Variants in PCOLCE2 observed in about 807,000 individuals in gnomAD.
PCOLCE2 encodes procollagen C-proteinase enhancer 2.
PCOLCE2 carries 42 observed loss-of-function variants against 47.0 expected under a neutral mutation model. The observed-to-expected ratio is 0.89, with a 90% CI of 0.70 to 1.16. PCOLCE2 has a LOEUF of 1.16. Ranked by LOEUF, PCOLCE2 falls within the 50% of genes most tolerant of loss-of-function variation. The pLI, the probability that PCOLCE2 is intolerant of heterozygous loss-of-function variation, is 0.00. For missense variants in PCOLCE2, 500 were observed against 526.1 expected (o/e 0.95, Z 0.49); for synonymous variants, 169 against 191.7 (o/e 0.88, Z 0.98).
intron 2 of PCOLCE2, among the ~76,000 whole-genome samples, chr3:142,854,575 G>A (rs1291886897): frequency 2.0e-5 from 3 of 152,002 alleles, no homozygotes; most frequent in Non-Finnish European, 2.9e-5. Context: ...TAGAAATAAC[G>A]AGATGTTTTG....
chr3:142,870,737 GTTC>G (rs765864799), intron 2 of PCOLCE2, among the ~76,000 whole-genome samples: 73 of 124,098 alleles, frequency 5.9e-4, no homozygotes, highest in African/African-American at 1.0e-3. Context: ...ACTATATACT[GTTC>G]TTCTTCTCAA....
intron 3 of PCOLCE2, chr3:142,843,393 C>A: frequency 2.3e-6 from 1 of 433,318 alleles, no homozygotes; most frequent in South Asian, 1.7e-5. Context: ...TGTTAAGGCT[C>A]CTCAAGGCAT....
chr3:142,888,271 T>C (rs1010207640), intron 1 of PCOLCE2, among the ~76,000 whole-genome samples: 1 of 152,182 alleles, frequency 6.6e-6, no homozygotes, highest in Non-Finnish European at 1.5e-5. Context: ...GAGGCTGATG[T>C]TGATGGAGGC....
At chr3:142,887,036 T>C (rs568510147) in intron 2 of PCOLCE2, among the ~76,000 whole-genome samples, 1 of 152,314 alleles carries the variant, frequency 6.6e-6, no homozygotes, top group South Asian at 2.1e-4. Context: ...TAGTTGACTC[T>C]AAATCAGTTA....
chr3:142,865,549 G>T (rs1933268872), intron 2 of PCOLCE2, among the ~76,000 whole-genome samples: 1 of 152,100 alleles, frequency 6.6e-6, no homozygotes, highest in South Asian at 2.1e-4. Context: ...GAATGCATTG[G>T]CTAGGAACAC....
At position 142,888,951 on chromosome 3, in the gene PCOLCE2, C is replaced by A; in HGVS notation, c.-55G>T. 1.5e-6 allele frequency: 1 copy of A among 689,406 alleles called. No homozygotes were observed. The highest frequency in any genetic ancestry group is 2.1e-6 in the Non-Finnish European group (1 of 465,898). The allele number at this position is 689,406 out of a possible 1,614,324, so 42.7% of individuals were successfully genotyped here. ...CACGGCGCGCGCGCCGGCACACACG[C>A]CCCTCCGCACCCACCGCGCTCACAC... is the stretch of plus-strand genomic sequence containing the variant. On this transcript the variant is annotated 5_prime_UTR_variant, in exon 1 of 9. Coordinates refer to ENST00000295992, the MANE Select transcript of PCOLCE2 (RefSeq NM_013363.4).
intron 3 of PCOLCE2, among the ~76,000 whole-genome samples, chr3:142,846,492 G>A (rs891102000): frequency 3.3e-5 from 5 of 152,094 alleles, no homozygotes; most frequent in East Asian, 1.9e-4. Context: ...GAGCCACTAC[G>A]CTCAGCCCCT....
intron 2 of PCOLCE2, among the ~76,000 whole-genome samples, chr3:142,874,251 T>A (rs1400507101): frequency 6.6e-6 from 1 of 152,192 alleles, no homozygotes; most frequent in East Asian, 1.9e-4. Flanking sequence ...AATTTTTGTA[T>A]TTTTAGTAGA....
At chr3:142,858,521 C>A (rs1049741685) in intron 2 of PCOLCE2, among the ~76,000 whole-genome samples, 2 of 152,126 alleles carry the variant, frequency 1.3e-5, no homozygotes, top group African/African-American at 2.4e-5. Flanking sequence ...TATGTGCGTG[C>A]GTGTGTGTGC....
At chr3:142,839,802 C>G (rs1578034658) in intron 4 of PCOLCE2, among the ~76,000 whole-genome samples, 2 of 152,018 alleles carry the variant, frequency 1.3e-5, no homozygotes, top group African/African-American at 4.8e-5. Context: ...TCAACTATAC[C>G]TCAATAAAGC....
chr3:142,888,980 C>CGCTCCCACTGGCAGCAGCGCTG lies in PCOLCE2; in HGVS notation c.-85_-84insCAGCGCTGCTGCCAGTGGGAGC. The CGCTCCCACTGGCAGCAGCGCTG allele has an allele frequency of 1.9e-6, 1 of 514,054 alleles. No individual in the cohort carries two copies. The highest frequency in any genetic ancestry group is 3.5e-5 in the East Asian group (1 of 28,338). 31.8% of individuals were successfully genotyped at this position (514,054 alleles called of 1,614,324 possible). A position where few individuals can be genotyped will look rare whatever the true frequency, so the allele number is the denominator to read the frequency against. ...TCCGCACCCACCGCGCTCACACCGC[C>CGCTCCCACTGGCAGCAGCGCTG]GCTCACACTGGCAGCAGCGCTGGCT... On this transcript the variant is annotated 5_prime_UTR_variant, in exon 1 of 9. Coordinates refer to ENST00000295992, the MANE Select transcript of PCOLCE2 (RefSeq NM_013363.4).
At chr3:142,839,727 T>C (rs1355921058) in intron 4 of PCOLCE2, among the ~76,000 whole-genome samples, 1 of 152,232 alleles carries the variant, frequency 6.6e-6, no homozygotes, top group African/African-American at 2.4e-5. Flanking sequence ...TGTATACATA[T>C]ATCAAAATAT....
At chr3:142,827,164 C>T (rs1937089665) in intron 6 of PCOLCE2, 11 of 1,425,150 alleles carry the variant, frequency 7.7e-6, no homozygotes, top group Non-Finnish European at 8.9e-6. Flanking sequence ...GCAATGAGAC[C>T]CATTTTGCAG....
At chr3:142,858,501 C>T (rs1196630099) in intron 2 of PCOLCE2, among the ~76,000 whole-genome samples, 4 of 152,172 alleles carry the variant, frequency 2.6e-5, no homozygotes, top group Non-Finnish European at 4.4e-5. Flanking sequence ...CACACACATG[C>T]GCACACATAT....
chr3:142,839,613 G>A (rs1045246620), intron 4 of PCOLCE2, among the ~76,000 whole-genome samples: 6 of 151,970 alleles, frequency 3.9e-5, no homozygotes, highest in Non-Finnish European at 7.4e-5. Context: ...ATGCCCAGCC[G>A]AGAGTAAATC....
In PCOLCE2 at chr3:142,821,007, C is replaced by A; in HGVS notation, c.988G>T (p.Gly330Trp). The change falls in exon 8 of 9, where the codon GGG (glycine) becomes TGG (tryptophan). Residue 330 changes from glycine to tryptophan, a missense_variant. Gly to Trp is a radical substitution (Grantham distance 184). Coordinates refer to ENST00000295992, the MANE Select transcript of PCOLCE2 (RefSeq NM_013363.4). ...GTVITTITRD[G>W]SLHATVSIIN... ...ATCGAGACTGTGGCGTGCAAACTCC[C>A]ATCGCGAGTGATGGTTGTGATAACA... The A allele has an allele frequency of 6.2e-7, 1 of 1,613,572 alleles. No homozygotes were observed. Among genetic ancestry groups the A allele is most frequent in the Non-Finnish European group, 8.5e-7 (1 of 1,179,568 alleles).
At chr3:142,871,832 GTAT>G (rs1933390983) in intron 2 of PCOLCE2, among the ~76,000 whole-genome samples, 1 of 152,000 alleles carries the variant, frequency 6.6e-6, no homozygotes, top group Non-Finnish European at 1.5e-5. Context: ...ATATGTACTT[GTAT>G]TAATATATAC....
intron 2 of PCOLCE2, among the ~76,000 whole-genome samples, chr3:142,852,159 C>G (rs1463279025): frequency 6.6e-6 from 1 of 152,116 alleles, no homozygotes; most frequent in Admixed American, 6.6e-5. Flanking sequence ...CACTGAAGGC[C>G]AGAGAGAAAT....
In PCOLCE2 at chr3:142,888,840, C is replaced by A. The variant is rs780762512; in HGVS notation, c.57G>T (p.Gln19His). The change falls in exon 1 of 9, where the codon CAG (glutamine) becomes CAT (histidine). Residue 19 changes from glutamine (Q) to histidine (H), a missense_variant. Transcript: ENST00000295992. ...PLCLLLAAAT[Q>H]LSRQQSPERP... ...TCTCTGGGGACTGCTGCCGCGAGAGCTGGGTGGCGGCAGCCAGCAGCAGGC... is the reference window on the plus strand; with the variant it reads ...TCTCTGGGGACTGCTGCCGCGAGAGATGGGTGGCGGCAGCCAGCAGCAGGC... The A allele has an allele frequency of 3.2e-6, 5 of 1,545,322 alleles. No individual in the cohort carries two copies. In the East Asian group the frequency reaches 1.3e-4, roughly 40 times the overall value.
Sources: gnomAD v4.1 joint callset for allele counts (sites outside exome capture counted in the v4.1 genomes callset) on GRCh38, gnomAD v4.1.1 for gene constraint, MANE v1.5 for transcripts, NCBI Gene and HGNC (gene_info 2026-07-23, HGNC 2026-07-21) for gene names.